ZMAT4: variants seen among roughly 807,000 people sequenced by gnomAD.
ZMAT4 encodes zinc finger matrin-type protein 4.
In ZMAT4, 17 loss-of-function variants were observed where a neutral mutation model predicts 28.7. That is an observed-to-expected ratio of 0.59 (90% CI 0.41 to 0.89). ZMAT4 has a LOEUF of 0.89. Among genes scored for constraint, ZMAT4 ranks in the 40% least tolerant of loss-of-function variants. The probability of loss-of-function intolerance (pLI) is 0.00; values close to 1 mark genes in which losing one functional copy is unlikely to be tolerated. For synonymous variants in ZMAT4, 117 were observed against 109.2 expected, an observed-to-expected ratio of 1.07 and a Z score of -0.44; for missense variants, 240 against 283.8, an observed-to-expected ratio of 0.85 and a Z score of 1.11.
At chr8:40,643,486 A>T (rs1245913784) in intron 5 of ZMAT4, among the ~76,000 whole-genome samples, 1 of 152,224 alleles carries the variant, frequency 6.6e-6, no homozygotes, top group East Asian at 1.9e-4. Flanking sequence ...CTAAATAAAT[A>T]CTTCTTTAGC....
At chr8:40,747,546 A>G (rs1812290240) in intron 3 of ZMAT4, among the ~76,000 whole-genome samples, 1 of 150,656 alleles carries the variant, frequency 6.6e-6, no homozygotes, top group African/African-American at 2.4e-5. Flanking sequence ...TTGCATCATC[A>G]GCCATGATAG....
At position 40,581,251 on chromosome 8, in the gene ZMAT4, G is replaced by T; in HGVS notation, c.588C>A (p.Arg196=). Residue 196 remains arginine, a synonymous_variant, in exon 6 of 7, where the codon CGC becomes CGA. Transcript: ENST00000297737. The part of the protein sequence containing the change: ...LDMGELRGLR[R]NYRCTICSVS... ...CACTGCAGATGGTACATCTGTAATT[G>T]CGCCTCAGACCTGTGGACAACAGAC... 1 of 1,613,068 alleles carries T rather than the reference G, an allele frequency of 6.2e-7. No homozygotes were observed. Among genetic ancestry groups the T allele is most frequent in the Non-Finnish European group, 8.5e-7 (1 of 1,179,258 alleles).
intron 5 of ZMAT4, among the ~76,000 whole-genome samples, chr8:40,603,419 G>C (rs1345835000): frequency 6.6e-6 from 1 of 152,002 alleles, no homozygotes; most frequent in Non-Finnish European, 1.5e-5. Context: ...TCTTTTTTTG[G>C]TTCTGTATGA....
At chr8:40,862,573 A>T (rs973437179) in intron 1 of ZMAT4, among the ~76,000 whole-genome samples, 3 of 125,052 alleles carry the variant, frequency 2.4e-5, no homozygotes, top group African/African-American at 9.4e-5. Context: ...AGTATAATAA[A>T]AAAAAAAAAT....
chr8:40,808,615 G>C (rs1208033698), intron 2 of ZMAT4: 3 of 454,288 alleles, frequency 6.6e-6, no homozygotes, highest in African/African-American at 6.0e-5. Flanking sequence ...AATAAATGGA[G>C]GTAGGTGTGA....
intron 1 of ZMAT4, among the ~76,000 whole-genome samples, chr8:40,834,498 C>T (rs976890198): frequency 3.3e-5 from 5 of 152,150 alleles, no homozygotes; most frequent in African/African-American, 1.2e-4. Context: ...GGACATACAA[C>T]ATCACTTGGA....
chr8:40,792,478 A>G (rs2150579701), intron 2 of ZMAT4, among the ~76,000 whole-genome samples: 1 of 3,160 alleles, frequency 3.2e-4, no homozygotes, highest in Non-Finnish European at 7.1e-4. Flanking sequence ...GTATTCAGGA[A>G]GGAAGGAAGG....
intron 5 of ZMAT4, among the ~76,000 whole-genome samples, chr8:40,606,303 T>G (rs1477711206): frequency 6.6e-6 from 1 of 152,212 alleles, no homozygotes; most frequent in Non-Finnish European, 1.5e-5. Flanking sequence ...GGAGGTTCTA[T>G]TCTGGTGTAT....
intron 2 of ZMAT4, among the ~76,000 whole-genome samples, chr8:40,824,715 T>TGAAAGAAA (rs60779807): frequency 0.18 from 19,693 of 110,114 alleles, 1,357 homozygotes; most frequent in African/African-American, 0.19. Flanking sequence ...AAAGAAAGAA[T>TGAAAGAAA]GAAAGAAAGA....
At chr8:40,632,551 C>T (rs376181699) in intron 5 of ZMAT4, among the ~76,000 whole-genome samples, 4 of 151,946 alleles carry the variant, frequency 2.6e-5, no homozygotes, top group East Asian at 1.9e-4. Flanking sequence ...CAAAGATTAA[C>T]GTGTTTATGA....
Position 40,697,717 on chromosome 8 carries a change from C to A in ZMAT4, c.193-316G>T, listed in dbSNP as rs558989376. Among the ~76,000 whole-genome samples, 22 of 143,530 alleles carry A rather than the reference C, an allele frequency of 1.5e-4. No individual in the cohort carries two copies. The East Asian group carries it at 3.2e-3, about 21-fold the overall frequency. 94.2% of individuals were successfully genotyped at this position (143,530 alleles called of 152,430 possible). On this transcript the variant is annotated intron_variant, in intron 3 of 6. Coordinates refer to ENST00000297737, the MANE Select transcript of ZMAT4 (RefSeq NM_024645.3). ...AATGCTATCCCTCCCCTAGCCCCCC[C>A]ACCCCCTGACCGGCCCCGGTGCAAT...
chr8:40,616,523 T>G (rs565396357), intron 5 of ZMAT4, among the ~76,000 whole-genome samples: 2 of 152,280 alleles, frequency 1.3e-5, no homozygotes, highest in East Asian at 3.9e-4. Flanking sequence ...TAAGAAAATG[T>G]GGCACATATA....
chr8:40,820,472 G>A (rs1815724537), intron 2 of ZMAT4, among the ~76,000 whole-genome samples: 1 of 151,288 alleles, frequency 6.6e-6, no homozygotes, highest in South Asian at 2.1e-4. Context: ...GGGTGTATGT[G>A]TGTTTATGTG....
intron 3 of ZMAT4, among the ~76,000 whole-genome samples, chr8:40,740,408 G>A (rs1037155252): frequency 1.3e-5 from 2 of 152,238 alleles, no homozygotes; most frequent in Admixed American, 6.5e-5. Flanking sequence ...AAAGCAAAAC[G>A]CACAGGGTCA....
chr8:40,581,891 A>G (rs897114671), intron 5 of ZMAT4, among the ~76,000 whole-genome samples: 10 of 152,176 alleles, frequency 6.6e-5, no homozygotes, highest in African/African-American at 2.4e-4. Flanking sequence ...TCCAAGATGG[A>G]TAAGATGCTC....
chr8:40,724,488 C>T (rs573187124), intron 3 of ZMAT4, among the ~76,000 whole-genome samples: 2 of 152,306 alleles, frequency 1.3e-5, no homozygotes, highest in Middle Eastern at 3.4e-3. Context: ...TGACATCTAG[C>T]TTTTCAGTGG....
At chr8:40,635,757 G>A (rs1806767620) in intron 5 of ZMAT4, among the ~76,000 whole-genome samples, 1 of 152,086 alleles carries the variant, frequency 6.6e-6, no homozygotes, top group South Asian at 2.1e-4. Flanking sequence ...CTTTAACTTT[G>A]GTGTCACAGC....
intron 1 of ZMAT4, among the ~76,000 whole-genome samples, chr8:40,865,784 C>T (rs531153516): frequency 2.0e-5 from 3 of 152,214 alleles, no homozygotes; most frequent in Admixed American, 6.5e-5. Flanking sequence ...CACTGTACTA[C>T]GCAGAATGTG....
intron 1 of ZMAT4, among the ~76,000 whole-genome samples, chr8:40,853,806 G>A (rs1456376372): frequency 6.6e-6 from 1 of 152,182 alleles, no homozygotes; most frequent in Non-Finnish European, 1.5e-5. Context: ...ACATCGTTAA[G>A]CAAGTAGTTT....
Sources: gnomAD v4.1 joint callset for allele counts (sites outside exome capture counted in the v4.1 genomes callset) on GRCh38, gnomAD v4.1.1 for gene constraint, MANE v1.5 for transcripts, NCBI Gene and HGNC (gene_info 2026-07-23, HGNC 2026-07-21) for gene names.